Variants in USP48 observed in about 807,000 individuals in gnomAD.
USP48 encodes the protein ubiquitin carboxyl-terminal hydrolase 48.
In USP48, 43 loss-of-function variants were observed where a neutral mutation model predicts 150.7. The ratio of observed to expected loss-of-function variants is 0.29; its 90% CI spans 0.22 to 0.37. The LOEUF is 0.37. USP48 is among the 10% of genes least tolerant of loss of function. USP48 has a pLI of 1.00. For missense variants in USP48, 813 were observed against 1,249.6 expected (o/e 0.65, Z 5.27); for synonymous variants, 396 against 425.9 (o/e 0.93, Z 0.86).
chr1:21,719,505 T>C (rs2097713906), intron 14 of USP48, among the ~76,000 whole-genome samples: 1 of 152,132 alleles, frequency 6.6e-6, no homozygotes, highest in African/African-American at 2.4e-5. Context: ...ATCCCAGCAC[T>C]TTGGGAAGCC....
rs538986207 is a variant in USP48, at chr1:21,776,692, G to A, written c.134+6132C>T. Among the ~76,000 whole-genome samples, 18 of 149,094 alleles carry A rather than the reference G, an allele frequency of 1.2e-4. No individual in the cohort carries two copies. In the East Asian group the frequency reaches 2.9e-3, roughly 24 times the overall value. ...GACAGGGCCAGGCACAGTGGCTCAC[G>A]CCTGTAATCCCAGCACTTTGGGAGG... On this transcript the variant is annotated intron_variant, in intron 1 of 26. Transcript: ENST00000308271.
chr1:21,701,569 T>C lies in USP48; in HGVS notation c.2656A>G (p.Ser886Gly). 1 of 1,613,944 alleles carries C rather than the reference T, an allele frequency of 6.2e-7. No homozygotes were observed. Among genetic ancestry groups the C allele is most frequent in the Non-Finnish European group, 8.5e-7 (1 of 1,179,878 alleles). Residue 886 changes from serine (S) to glycine (G), a missense_variant, in exon 22 of 27, where the codon AGT (serine) becomes GGT (glycine). Ser to Gly is a moderately conservative substitution (Grantham distance 56). Transcript: ENST00000308271. ...MKDSAPELNV[S>G]SSETEEDKEE... is the part of the protein sequence containing the mutation. ...TTGTCCTCCTCTGTTTCAGAACTAC[T>C]CACATTCAGTTCCGGAGCCGAATCC...
At chr1:21,686,223 G>GGAATAATTCAATACTA (rs2097580016) in intron 25 of USP48, 1 of 152,202 alleles carries the variant, frequency 6.6e-6, no homozygotes, top group African/African-American at 2.4e-5. Flanking sequence ...CCAATACTAT[G>GGAATAATTCAATACTA]TTGAATAAGA....
At chr1:21,736,250 C>T (rs1055994900) in intron 9 of USP48, among the ~76,000 whole-genome samples, 196 bp downstream of exon 9, 1 of 152,032 alleles carries the variant, frequency 6.6e-6, no homozygotes, top group South Asian at 2.1e-4. Context: ...CCAGCCTGGG[C>T]AAGAGAGTAA....
chr1:21,747,516 A>G (rs181924947), intron 7 of USP48, among the ~76,000 whole-genome samples: 305 of 152,264 alleles, frequency 2.0e-3, no homozygotes, highest in African/African-American at 6.4e-3. Context: ...AATTTATTCT[A>G]TTTAAAATAA....
intron 1 of USP48, among the ~76,000 whole-genome samples, chr1:21,767,711 A>T (rs1278511827): frequency 2.0e-5 from 3 of 151,882 alleles, no homozygotes; most frequent in African/African-American, 4.8e-5. Flanking sequence ...TTAAAGAAAA[A>T]TTTTTTGAAA....
At chr1:21,728,964 C>T (rs1199925861) in intron 10 of USP48, among the ~76,000 whole-genome samples, 2 of 152,110 alleles carry the variant, frequency 1.3e-5, no homozygotes, top group Non-Finnish European at 2.9e-5. Context: ...CCAGAACAAT[C>T]GAATGGCTCA....
chr1:21,780,225 C>T (rs2097911004), intron 1 of USP48, among the ~76,000 whole-genome samples: 1 of 152,276 alleles, frequency 6.6e-6, no homozygotes, highest in Non-Finnish European at 1.5e-5. Flanking sequence ...ACTACTCAGC[C>T]GTAAGGAATA....
Position 21,695,017 on chromosome 1 carries a change from T to C in USP48, c.2883+49A>G, listed in dbSNP as rs750713922. 2.6e-6 allele frequency: 4 copies of C among 1,551,272 alleles called. No homozygotes were observed. The East Asian group carries it at 7.0e-5, about 27-fold the overall frequency. Reference sequence around the variant, plus strand: ...AATACAGGTGGAAAGCAGGAATTCATAAAGGCCCTTTTAAGTCCAGAGCAA... The same window carrying C: ...AATACAGGTGGAAAGCAGGAATTCACAAAGGCCCTTTTAAGTCCAGAGCAA... On this transcript the variant is annotated intron_variant, in intron 23 of 26. Transcript: ENST00000308271.
intron 14 of USP48, among the ~76,000 whole-genome samples, chr1:21,716,640 C>T (rs2097705146): frequency 6.6e-6 from 1 of 152,204 alleles, no homozygotes; most frequent in South Asian, 2.1e-4. Context: ...CCAGTATCTG[C>T]TTTTCTTACT....
At chr1:21,735,854 C>A (rs1394513065) in intron 9 of USP48, among the ~76,000 whole-genome samples, 1 of 146,302 alleles carries the variant, frequency 6.8e-6, no homozygotes, top group Non-Finnish European at 1.5e-5. Flanking sequence ...CGCCATTGCA[C>A]TCCAGCCTGG....
chr1:21,777,999 T>C (rs1481629223), intron 1 of USP48, among the ~76,000 whole-genome samples: 2 of 144,894 alleles, frequency 1.4e-5, no homozygotes, highest in Non-Finnish European at 1.5e-5. Context: ...AAAAATTAGC[T>C]AGGCGTGGCG....
intron 22 of USP48, among the ~76,000 whole-genome samples, chr1:21,698,828 G>C (rs900700820): frequency 6.6e-6 from 1 of 152,034 alleles, no homozygotes; most frequent in African/African-American, 2.4e-5. Flanking sequence ...CTCGGAGGCG[G>C]AGCTTGCAGT....
chr1:21,699,588 A>T (rs2097649090), intron 22 of USP48, among the ~76,000 whole-genome samples: 1 of 150,530 alleles, frequency 6.6e-6, no homozygotes, highest in Non-Finnish European at 1.5e-5. Context: ...ATCTCAGCTC[A>T]CTGCAAGTTC....
At chr1:21,728,217 AG>A (rs1202136530) in intron 11 of USP48, 13 of 1,015,056 alleles carry the variant, frequency 1.3e-5, no homozygotes, top group Non-Finnish European at 1.5e-5. Context: ...AAGTATGCAA[AG>A]AAACAGAACA....
chr1:21,700,589 C>T (rs2995001), intron 22 of USP48, among the ~76,000 whole-genome samples: 123,453 of 152,156 alleles, frequency 0.81, 50,823 homozygotes, highest in Admixed American at 0.88. Flanking sequence ...ACACCATCCA[C>T]AATTTCACTA....
At chr1:21,726,797 T>A (rs1190715340) in intron 11 of USP48, among the ~76,000 whole-genome samples, 1 of 152,170 alleles carries the variant, frequency 6.6e-6, no homozygotes, top group Non-Finnish European at 1.5e-5. Flanking sequence ...AGCATTGCTT[T>A]CCAAAGGCCA....
At chr1:21,770,069 T>C (rs909463087) in intron 1 of USP48, among the ~76,000 whole-genome samples, 1 of 151,502 alleles carries the variant, frequency 6.6e-6, no homozygotes, top group African/African-American at 2.4e-5. Flanking sequence ...ATGCTTATAA[T>C]CCCAGCACTT....
At chr1:21,701,376 A>G (rs2097656225) in intron 22 of USP48, 122 bp downstream of exon 22, 2 of 720,758 alleles carry the variant, frequency 2.8e-6, no homozygotes, top group East Asian at 3.0e-5. Flanking sequence ...AAAAAAAAAA[A>G]AAAAAGAAAA....
Sources: allele counts gnomAD v4.1 joint callset (sites outside exome capture counted in the v4.1 genomes callset), GRCh38; gene constraint gnomAD v4.1.1; transcripts MANE v1.5; gene names NCBI Gene and HGNC (gene_info 2026-07-23, HGNC 2026-07-21).